The following PRKCH variants were observed in gnomAD, a reference collection of about 807,000 sequenced individuals.
PRKCH encodes the protein protein kinase C eta type.
PRKCH carries 28 observed loss-of-function variants against 82.5 expected under a neutral mutation model. That is an observed-to-expected ratio of 0.34 (90% CI 0.25 to 0.47). The LOEUF (loss-of-function observed/expected upper bound fraction) is 0.47, where lower values mean the gene tolerates loss of function less well. Among genes scored for constraint, PRKCH ranks in the 20% least tolerant of loss-of-function variants. The probability of loss-of-function intolerance (pLI) is 1.00; values close to 1 mark genes in which losing one functional copy is unlikely to be tolerated. For synonymous variants in PRKCH, 322 were observed against 327.4 expected, an observed-to-expected ratio of 0.98 and a Z score of 0.18; for missense variants, 705 against 881.8, an observed-to-expected ratio of 0.80 and a Z score of 2.54.
intron 2 of PRKCH, among the ~76,000 whole-genome samples, chr14:61,429,075 C>A (rs779934020): frequency 6.6e-6 from 1 of 152,170 alleles, no homozygotes; most frequent in Non-Finnish European, 1.5e-5. Flanking sequence ...GAGGGAATTA[C>A]CTCTGAATTG....
rs115290761 is a variant in PRKCH at position 61,365,253 on chromosome 14, T to C, written c.364-25972T>C. The stretch of plus-strand genomic sequence containing the variant: ...ATGCAGGGGCAGGTATAGGATAGTG[T>C]ATCTGAAGATGCTGTTGGGATTCTA... On this transcript the variant is annotated intron_variant, in intron 1 of 13. Coordinates refer to ENST00000332981, the MANE Select transcript of PRKCH (RefSeq NM_006255.5). Among the ~76,000 whole-genome samples, 549 of 152,262 alleles carry C rather than the reference T, an allele frequency of 3.6e-3. 19 individuals are homozygous for C. Among genetic ancestry groups the C allele is most frequent in the African/African-American group, 0.013 (522 of 41,478 alleles).
At chr14:61,515,078 T>A (rs2042803401) in intron 10 of PRKCH, among the ~76,000 whole-genome samples, 1 of 152,206 alleles carries the variant, frequency 6.6e-6, no homozygotes, top group African/African-American at 2.4e-5. Context: ...TTAAGAAGTC[T>A]GCAGGTGGCC....
chr14:61,389,699 A>G (rs1254141675), intron 1 of PRKCH, among the ~76,000 whole-genome samples: 1 of 106,458 alleles, frequency 9.4e-6, no homozygotes, highest in Non-Finnish European at 2.0e-5. Context: ...ACCCTGTCTC[A>G]AAAAAAAAAA....
At chr14:61,430,242 G>T (rs1009489585) in intron 2 of PRKCH, among the ~76,000 whole-genome samples, 1 of 152,194 alleles carries the variant, frequency 6.6e-6, no homozygotes, top group African/African-American at 2.4e-5. Flanking sequence ...AGGCTTTAGG[G>T]ATATGCAAAT....
At chr14:61,487,547 T>C (rs1051944869) in intron 10 of PRKCH, among the ~76,000 whole-genome samples, 1 of 152,132 alleles carries the variant, frequency 6.6e-6, no homozygotes, top group Non-Finnish European at 1.5e-5. Context: ...ATTTTTGTTC[T>C]CCTCTCCGCG....
At chr14:61,417,705 T>G (rs1380055885) in intron 2 of PRKCH, among the ~76,000 whole-genome samples, 1 of 152,198 alleles carries the variant, frequency 6.6e-6, no homozygotes, top group Non-Finnish European at 1.5e-5. Context: ...CTTTGAAGTC[T>G]TAGACACACA....
At position 61,550,236 on chromosome 14, in the gene PRKCH, A is replaced by T. The variant is rs555953665; in HGVS notation, c.*405A>T. 6.3e-6 allele frequency: 1 copy of T among 158,838 alleles called. No individual in the cohort carries two copies. Among genetic ancestry groups the T allele is most frequent in the Non-Finnish European group, 1.4e-5 (1 of 72,574 alleles). The allele number at this position is 158,838 out of a possible 1,614,324, so 9.8% of individuals were successfully genotyped here. A position where few individuals can be genotyped will look rare whatever the true frequency, so the allele number is the denominator to read the frequency against. ...CTGTGCTGTGCTCTTCTTTAAGCCA[A>T]TGAACCCCAATTCCTGGCAGTCTAC... On this transcript the variant is annotated 3_prime_UTR_variant, in exon 14 of 14. Transcript: ENST00000332981.
intron 10 of PRKCH, among the ~76,000 whole-genome samples, chr14:61,505,002 A>G (rs1887073624): frequency 6.6e-6 from 1 of 152,188 alleles, no homozygotes. Context: ...TTCTAGTGTA[A>G]GCACACAAAC....
intron 1 of PRKCH, among the ~76,000 whole-genome samples, chr14:61,389,843 C>T (rs780388019): frequency 6.1e-5 from 9 of 147,952 alleles, no homozygotes; most frequent in Non-Finnish European, 1.3e-4. Flanking sequence ...TTGGCCTGGT[C>T]TAGTAGGGGG....
chr14:61,280,871 AGCAGGGGGGCGGCAGCGCCCGGCC>A lies in PRKCH; in HGVS notation c.-19+93204_-19+93227del, dbSNP rs1471982465. 10 of 1,566,852 alleles carry A rather than the reference AGCAGGGGGGCGGCAGCGCCCGGCC, an allele frequency of 6.4e-6. No homozygotes were observed. The South Asian group carries it at 1.0e-4, about 16-fold the overall frequency. On this transcript the variant is annotated intron_variant, in intron 1 of 3. Coordinates refer to the PRKCH transcript ENST00000555185. The surrounding 1 kb of genome is among the most constrained non-coding windows in gnomAD (Gnocchi z 5.0). ...GGCAGCGAGAAGTACCAGGCGCACG[AGCAGGGGGGCGGCAGCGCCCGGCC>A]CTGGCCAGCCGCGGCGCACACCGAG... is the stretch of plus-strand genomic sequence containing the variant.
At chr14:61,350,333 T>C (rs540951987) in intron 1 of PRKCH, among the ~76,000 whole-genome samples, 1 of 152,200 alleles carries the variant, frequency 6.6e-6, no homozygotes, top group African/African-American at 2.4e-5. Context: ...AACACTAGCA[T>C]GTGCCCTTGC....
intron 1 of PRKCH, among the ~76,000 whole-genome samples, chr14:61,291,385 A>C: frequency 7.6e-6 from 1 of 131,032 alleles, no homozygotes. Flanking sequence ...GCTGGAGTGC[A>C]GTGGTGCCAT....
upstream of PRKCH, among the ~76,000 whole-genome samples, chr14:61,318,402 C>T (rs978837138): frequency 6.8e-6 from 1 of 147,300 alleles, no homozygotes; most frequent in African/African-American, 2.5e-5. Flanking sequence ...TGAGAGTCTC[C>T]CTATGTCGCG....
At chr14:61,443,548 A>G (rs144016367) in intron 3 of PRKCH, among the ~76,000 whole-genome samples, 21 of 152,342 alleles carry the variant, frequency 1.4e-4, no homozygotes, top group African/African-American at 4.3e-4. Flanking sequence ...AAAAAGGCTA[A>G]TAAGTCAATA....
chr14:61,297,273 A>C (rs946561971), intron 1 of PRKCH, among the ~76,000 whole-genome samples: 5 of 152,228 alleles, frequency 3.3e-5, no homozygotes, highest in Admixed American at 6.5e-5. Flanking sequence ...GTTACAGTTT[A>C]TTAAGGAGAA....
In PRKCH at chr14:61,402,624, G is replaced by A. The variant is rs540017555; in HGVS notation, c.427+11336G>A. On this transcript the variant is annotated intron_variant, in intron 2 of 13. Transcript: ENST00000332981. Reference sequence around the variant, plus strand: ...ATCCTGGCCAACATGGTGAAACCCCGTCTCTACTAAAAATACAAAAAAAAA... The same window carrying A: ...ATCCTGGCCAACATGGTGAAACCCCATCTCTACTAAAAATACAAAAAAAAA... Among the ~76,000 whole-genome samples, 5 of 151,768 alleles carry A rather than the reference G, an allele frequency of 3.3e-5. No homozygotes were observed. The East Asian group carries it at 5.8e-4, about 18-fold the overall frequency.
At position 61,371,692 on chromosome 14, in the gene PRKCH, A is replaced by T. The variant is rs1594632859; in HGVS notation, c.364-19533A>T. 4.6e-5 allele frequency among the ~76,000 whole-genome samples: 7 copies of T among 151,244 alleles called. No individual in the cohort carries two copies. In the South Asian group the frequency reaches 1.5e-3, roughly 31 times the overall value. On this transcript the variant is annotated intron_variant, in intron 1 of 13. Coordinates refer to ENST00000332981, the MANE Select transcript of PRKCH (RefSeq NM_006255.5). ...CCTATCACTGTTGATGTGAACCTTG[A>T]TTGCATGGCTAAAATTATGTTTGTC... is the stretch of plus-strand genomic sequence containing the variant.
intron 10 of PRKCH, among the ~76,000 whole-genome samples, chr14:61,502,092 A>C (rs1474710997): frequency 9.0e-6 from 1 of 110,816 alleles, no homozygotes; most frequent in African/African-American, 3.6e-5. Flanking sequence ...TCCGAGATGG[A>C]GTCTCACTCT....
At chr14:61,287,326 C>T (rs764279847) in intron 1 of PRKCH, among the ~76,000 whole-genome samples, 22 of 150,822 alleles carry the variant, frequency 1.5e-4, no homozygotes, top group Non-Finnish European at 2.9e-4. Flanking sequence ...GAGAGCAACA[C>T]CAGAATAGGC....
Sources: allele counts gnomAD v4.1 joint callset (sites outside exome capture counted in the v4.1 genomes callset), GRCh38; gene constraint gnomAD v4.1.1; non-coding constraint Gnocchi (gnomAD v3.1); transcripts MANE v1.5; gene names NCBI Gene and HGNC (gene_info 2026-07-23, HGNC 2026-07-21).